The following MRPS27 variants were observed in gnomAD, a reference collection of about 807,000 sequenced individuals.
MRPS27 encodes the protein mitochondrial ribosomal protein S27.
Under a neutral mutation model 48.9 loss-of-function variants are expected in MRPS27, and 43 were observed. The ratio of observed to expected loss-of-function variants is 0.88; its 90% confidence interval spans 0.69 to 1.13. MRPS27 has a LOEUF of 1.13. Ranked by LOEUF, MRPS27 falls within the 50% of genes most tolerant of loss-of-function variation. The pLI is 0.00. For synonymous variants in MRPS27, 188 were observed against 171.9 expected (o/e 1.09, Z -0.73); for missense variants, 467 against 476.3 (o/e 0.98, Z 0.18).
chr5:72,241,701 A>G, intron 4 of MRPS27: 4 of 1,535,396 alleles, frequency 2.6e-6, no homozygotes, highest in Middle Eastern at 1.7e-4. Flanking sequence ...GTCAGAAGAA[A>G]GGCAAAGAGA....
intron 5 of MRPS27, among the ~76,000 whole-genome samples, chr5:72,236,462 C>T (rs900343939): frequency 6.6e-6 from 1 of 152,156 alleles, no homozygotes; most frequent in Admixed American, 6.6e-5. Context: ...CTAAAAGACT[C>T]AAGAAGCAGC....
intron 4 of MRPS27, among the ~76,000 whole-genome samples, chr5:72,247,612 A>C (rs1748541547): frequency 6.6e-6 from 1 of 152,236 alleles, no homozygotes. Context: ...AGGTCCCTAA[A>C]GTACATTATA....
chr5:72,229,263 G>A (rs900149108), intron 7 of MRPS27: 7 of 152,380 alleles, frequency 4.6e-5, no homozygotes, highest in Admixed American at 4.6e-4. Flanking sequence ...AATGTCTGCA[G>A]GCTGCAGTTA....
At chr5:72,287,846 G>A (rs1225501547) in intron 4 of MRPS27, among the ~76,000 whole-genome samples, 3 of 152,186 alleles carry the variant, frequency 2.0e-5, no homozygotes, top group Admixed American at 2.0e-4. Context: ...AAAACAATTT[G>A]GTAGTTTCTT....
At chr5:72,225,485 C>T (rs1257431333) in intron 9 of MRPS27, among the ~76,000 whole-genome samples, 3 of 152,178 alleles carry the variant, frequency 2.0e-5, no homozygotes, top group African/African-American at 7.2e-5. Context: ...CTCATACCAT[C>T]AAGGGTCCTA....
chr5:72,277,914 AAC>A (rs1749421588), intron 4 of MRPS27, among the ~76,000 whole-genome samples: 1 of 152,150 alleles, frequency 6.6e-6, no homozygotes, highest in Non-Finnish European at 1.5e-5. Flanking sequence ...GGAGGGGAAT[AAC>A]ACATACTGGA....
intron 2 of MRPS27, among the ~76,000 whole-genome samples, chr5:72,313,743 G>A (rs1056571662): frequency 3.9e-5 from 6 of 152,120 alleles, no homozygotes. Flanking sequence ...AGAAAATAAA[G>A]AGACTGACAA....
At chr5:72,258,405 A>T (rs576896174) in intron 4 of MRPS27, among the ~76,000 whole-genome samples, 11 of 152,336 alleles carry the variant, frequency 7.2e-5, no homozygotes, top group African/African-American at 2.6e-4. Flanking sequence ...CCTTGTTTTC[A>T]TGATTTCAAT....
At chr5:72,227,517 G>A (rs1747933594) in intron 8 of MRPS27, 1 of 152,124 alleles carries the variant, frequency 6.6e-6, no homozygotes, top group Non-Finnish European at 1.5e-5. Flanking sequence ...AAAAACAAAG[G>A]TAAGCAGAAG....
intron 2 of MRPS27, among the ~76,000 whole-genome samples, chr5:72,300,352 G>A (rs893025132): frequency 2.6e-5 from 4 of 152,160 alleles, no homozygotes; most frequent in East Asian, 1.9e-4. Flanking sequence ...ATCTATGCTC[G>A]GTCCCTAGGT....
intron 3 of MRPS27, among the ~76,000 whole-genome samples, chr5:72,297,148 C>G (rs1398026702): frequency 6.6e-6 from 1 of 152,172 alleles, no homozygotes; most frequent in Non-Finnish European, 1.5e-5. Context: ...CTAATACATT[C>G]AAAACTGGCA....
intron 4 of MRPS27, among the ~76,000 whole-genome samples, chr5:72,258,619 T>C (rs190693824): frequency 5.9e-5 from 9 of 152,218 alleles, no homozygotes. Flanking sequence ...TGCTTTCTCT[T>C]CCACTCTGCC....
At chr5:72,315,864 T>G (rs1235261565) in intron 1 of MRPS27, among the ~76,000 whole-genome samples, 2 of 152,204 alleles carry the variant, frequency 1.3e-5, no homozygotes, top group East Asian at 1.9e-4. Context: ...ACCCAGCAAT[T>G]CCACTCCTAG....
chr5:72,316,455 C>T (rs919336487), intron 1 of MRPS27, among the ~76,000 whole-genome samples: 14 of 152,126 alleles, frequency 9.2e-5, no homozygotes, highest in African/African-American at 3.4e-4. Context: ...GCAATTTCCA[C>T]CTCCCAGGTT....
chr5:72,299,689 G>A (rs1214530329), intron 2 of MRPS27, among the ~76,000 whole-genome samples: 1 of 152,130 alleles, frequency 6.6e-6, no homozygotes, highest in African/African-American at 2.4e-5. Context: ...AGGAATATTT[G>A]GTATTTCTGA....
chr5:72,279,975 T>C (rs966277113), intron 4 of MRPS27, among the ~76,000 whole-genome samples: 2 of 152,232 alleles, frequency 1.3e-5, no homozygotes, highest in Non-Finnish European at 2.9e-5. Flanking sequence ...CTAAGTAGCA[T>C]TTATTAACTA....
At chr5:72,308,378 G>T (rs1750340154) in intron 2 of MRPS27, among the ~76,000 whole-genome samples, 1 of 152,238 alleles carries the variant, frequency 6.6e-6, no homozygotes, top group Admixed American at 6.5e-5. Context: ...CTCCAATGGG[G>T]ATGGGAGCGG....
At chr5:72,276,653 T>C (rs933302340) in intron 4 of MRPS27, among the ~76,000 whole-genome samples, 2 of 151,996 alleles carry the variant, frequency 1.3e-5, no homozygotes, top group Non-Finnish European at 2.9e-5. Context: ...AGGAAATTTG[T>C]GCAACCTATC....
At chr5:72,239,039 C>T (rs537167194) in intron 4 of MRPS27, among the ~76,000 whole-genome samples, 11 of 152,208 alleles carry the variant, frequency 7.2e-5, no homozygotes, top group African/African-American at 9.6e-5. Flanking sequence ...TATACTATAT[C>T]ATGTTAGCTG....
Sources: allele counts gnomAD v4.1 joint callset (sites outside exome capture counted in the v4.1 genomes callset), GRCh38; gene constraint gnomAD v4.1.1; transcripts MANE v1.5; gene names NCBI Gene and HGNC (gene_info 2026-07-23, HGNC 2026-07-21).